Variants in CACNA1A observed in about 807,000 individuals in gnomAD.
CACNA1A encodes the protein calcium voltage-gated channel subunit alpha1 A.
Under a neutral mutation model 262.4 loss-of-function variants are expected in CACNA1A, and 57 were observed. That is an observed-to-expected ratio of 0.22 (90% CI 0.18 to 0.27). The LOEUF is 0.27. Among genes scored for constraint, CACNA1A ranks in the 10% least tolerant of loss-of-function variants. The pLI is 1.00. For synonymous variants in CACNA1A, 1,431 were observed against 1,419.3 expected, an observed-to-expected ratio of 1.01 and a Z score of -0.18; for missense variants, 2,526 against 3,562.8, an observed-to-expected ratio of 0.71 and a Z score of 7.41.
At chr19:13,223,129 A>G (rs569357943) in intron 38 of CACNA1A, among the ~76,000 whole-genome samples, 1 of 152,234 alleles carries the variant, frequency 6.6e-6, no homozygotes, top group East Asian at 1.9e-4. Context: ...GCTTCAAGCA[A>G]TACTCTCATC....
chr19:13,402,754 A>G (rs2059918613), intron 3 of CACNA1A, among the ~76,000 whole-genome samples: 1 of 142,980 alleles, frequency 7.0e-6, no homozygotes, highest in Non-Finnish European at 1.5e-5. Context: ...ACATATATAT[A>G]CACACATATA....
chr19:13,440,838 A>G (rs2060706478), intron 3 of CACNA1A, among the ~76,000 whole-genome samples: 1 of 152,148 alleles, frequency 6.6e-6, no homozygotes, highest in African/African-American at 2.4e-5. Context: ...TGTTTGAGAC[A>G]AGGTCTCGCT....
At chr19:13,293,950 T>C (rs1364567795) in intron 19 of CACNA1A, among the ~76,000 whole-genome samples, 1 of 152,084 alleles carries the variant, frequency 6.6e-6, no homozygotes, top group Non-Finnish European at 1.5e-5. Context: ...TAGTTTCCAA[T>C]GTTTACTGTT....
intron 6 of CACNA1A, among the ~76,000 whole-genome samples, chr19:13,347,898 C>T (rs573827143): frequency 6.6e-6 from 1 of 151,944 alleles, no homozygotes; most frequent in East Asian, 1.9e-4. Flanking sequence ...AGGGGACACG[C>T]ATTTATTTAT....
chr19:13,240,172 G>A (rs979342290), intron 31 of CACNA1A, among the ~76,000 whole-genome samples: 3 of 149,480 alleles, frequency 2.0e-5, no homozygotes, highest in Admixed American at 6.6e-5. Flanking sequence ...AAAAAAGAGC[G>A]AGAGAGAGAG....
chr19:13,422,393 G>A (rs2060331032), intron 3 of CACNA1A, among the ~76,000 whole-genome samples: 2 of 152,112 alleles, frequency 1.3e-5, no homozygotes, highest in South Asian at 4.1e-4. Flanking sequence ...AGATGACGCA[G>A]GGTCTCAAAG....
At chr19:13,242,626 G>A (rs2056109683) in intron 31 of CACNA1A, among the ~76,000 whole-genome samples, 5 of 152,092 alleles carry the variant, frequency 3.3e-5, no homozygotes, top group South Asian at 4.2e-4. Context: ...AAAAGTTCCC[G>A]TCTCTCTCCT....
intron 3 of CACNA1A, chr19:13,451,341 C>T (rs182853171): frequency 5.9e-5 from 9 of 152,460 alleles, no homozygotes; most frequent in African/African-American, 2.2e-4. Flanking sequence ...AGCAACAAAA[C>T]ATGGAAAGCT....
rs927731876 is a variant in CACNA1A at position 13,368,742 on chromosome 19, T to C, written c.631+2946A>G. On this transcript the variant is annotated intron_variant, in intron 4 of 46. Coordinates refer to ENST00000360228, the MANE Select transcript of CACNA1A (RefSeq NM_001127222.2). ...CCATGCCACTCCAAGGGCTTAAAAA[T>C]GTAATGTGGGTGCTGGCCGGGCGCG... Among the ~76,000 whole-genome samples the C allele has an allele frequency of 8.6e-5, 13 of 150,358 alleles. 1 individual carries two copies. Among genetic ancestry groups the C allele is most frequent in the African/African-American group, 3.3e-4 (13 of 39,948 alleles).
intron 6 of CACNA1A, among the ~76,000 whole-genome samples, chr19:13,344,653 C>A (rs2058730603): frequency 6.6e-6 from 1 of 152,176 alleles, no homozygotes. Flanking sequence ...CAGATCAGCA[C>A]CAGGGACATA....
intron 6 of CACNA1A, among the ~76,000 whole-genome samples, chr19:13,346,966 C>G (rs2058799364): frequency 6.6e-6 from 1 of 151,166 alleles, no homozygotes; most frequent in African/African-American, 2.4e-5. Context: ...AGGCATGAGC[C>G]ACCGTGCCAG....
chr19:13,244,872 CT>C, intron 31 of CACNA1A: 1 of 338,636 alleles, frequency 3.0e-6, no homozygotes. Context: ...GCTTTCAGAG[CT>C]TTTGAGTGTC....
At chr19:13,244,896 G>A (rs2056184904) in intron 31 of CACNA1A, 1 of 439,746 alleles carries the variant, frequency 2.3e-6, no homozygotes, top group East Asian at 3.6e-5. Context: ...AGTTCCCTCA[G>A]TGTACTCATC....
chr19:13,477,611 A>G (rs1265280628), intron 1 of CACNA1A, among the ~76,000 whole-genome samples: 3 of 152,216 alleles, frequency 2.0e-5, no homozygotes, highest in Non-Finnish European at 4.4e-5. Context: ...TTATTCACAC[A>G]GCAAAGATGG....
At chr19:13,442,499 C>T (rs1391271350) in intron 3 of CACNA1A, among the ~76,000 whole-genome samples, 7 of 152,298 alleles carry the variant, frequency 4.6e-5, no homozygotes, top group South Asian at 2.1e-4. Flanking sequence ...TGAACTTAGA[C>T]GTAAGCTAGG....
chr19:13,495,173 T>C (rs564440946), intron 1 of CACNA1A, among the ~76,000 whole-genome samples: 15 of 152,322 alleles, frequency 9.8e-5, no homozygotes, highest in Non-Finnish European at 1.8e-4. Context: ...TCACCATTAC[T>C]CAATTAAATA....
In CACNA1A at chr19:13,207,263, TGTGTGCGTG is replaced by T. The variant is rs752699656; in HGVS notation, c.*41_*49del. 1.4e-5 allele frequency: 20 copies of T among 1,481,464 alleles called. No homozygotes were observed. In the African/African-American group the frequency reaches 2.4e-4, roughly 17 times the overall value. 91.8% of individuals were successfully genotyped at this position (1,481,464 alleles called of 1,614,324 possible). On this transcript the variant is annotated 3_prime_UTR_variant, in exon 47 of 47. Coordinates refer to ENST00000360228, the MANE Select transcript of CACNA1A (RefSeq NM_001127222.2). The surrounding 1 kb of genome is among the most constrained non-coding windows in gnomAD (Gnocchi z 5.7). ...CCTCTGCGCGGCTCCTCGGGTGGGGTGTGTGCGTGGGGTGCGTGGGGGGCCGGGCGGGCG... is the reference window on the plus strand; with the variant it reads ...CCTCTGCGCGGCTCCTCGGGTGGGGTGGGTGCGTGGGGGGCCGGGCGGGCG...
At chr19:13,211,812 G>C in intron 43 of CACNA1A, 2 of 385,724 alleles carry the variant, frequency 5.2e-6, no homozygotes, top group East Asian at 5.2e-5. Context: ...AACCTCCCCT[G>C]TCTGCAGCCT....
At chr19:13,431,813 G>A (rs990152148) in intron 3 of CACNA1A, among the ~76,000 whole-genome samples, 1 of 152,002 alleles carries the variant, frequency 6.6e-6, no homozygotes, top group Non-Finnish European at 1.5e-5. Context: ...GCTTATATGT[G>A]AGCTCTAAAA....
Sources: gnomAD v4.1 joint callset for allele counts (sites outside exome capture counted in the v4.1 genomes callset) on GRCh38, gnomAD v4.1.1 for gene constraint, Gnocchi (gnomAD v3.1) non-coding constraint, MANE v1.5 for transcripts, NCBI Gene and HGNC (gene_info 2026-07-23, HGNC 2026-07-21) for gene names.